The following HIVEP1 variants were observed in gnomAD, a reference collection of about 807,000 sequenced individuals.
HIVEP1 encodes the protein HIVEP zinc finger 1, also known as zinc finger protein 40.
In HIVEP1, 36 loss-of-function variants were observed where a neutral mutation model predicts 180.0. That is an observed-to-expected ratio of 0.20 (90% confidence interval 0.15 to 0.26). The LOEUF is 0.26. HIVEP1 is among the 10% of genes least tolerant of loss of function. The pLI is 1.00. For synonymous variants in HIVEP1, 1,239 were observed against 1,239.0 expected (o/e 1.00, Z 0.00); for missense variants, 3,143 against 3,268.7 (o/e 0.96, Z 0.94).
At chr6:12,206,507 G>A in the HIVEP1 span, among the ~76,000 whole-genome samples, 139,465 of 152,156 alleles carry the variant, frequency 0.92, 63,979 homozygotes, top group East Asian at 1. Flanking sequence ...TGCCACATGA[G>A]GACTGGAGTT....
chr6:12,075,062 C>G (rs1772259434), intron 2 of HIVEP1, among the ~76,000 whole-genome samples: 1 of 152,220 alleles, frequency 6.6e-6, no homozygotes, highest in Admixed American at 6.5e-5. Context: ...ACAGTGAAAC[C>G]TGTGTCTTTC....
intron 2 of HIVEP1, among the ~76,000 whole-genome samples, chr6:12,059,364 T>G (rs891689838): frequency 4.6e-5 from 7 of 152,124 alleles, no homozygotes; most frequent in Non-Finnish European, 8.8e-5. Context: ...TATCCTACAT[T>G]TTTTGGGGGG....
chr6:12,136,547 T>A (rs954665122), intron 7 of HIVEP1, among the ~76,000 whole-genome samples: 3 of 152,204 alleles, frequency 2.0e-5, no homozygotes, highest in African/African-American at 7.2e-5. Flanking sequence ...CTGAGATTAT[T>A]CACGCACTCA....
chr6:12,173,142 A>T, the HIVEP1 span, among the ~76,000 whole-genome samples: 5 of 152,184 alleles, frequency 3.3e-5, no homozygotes, highest in Non-Finnish European at 7.4e-5. Flanking sequence ...GTTCTTCATC[A>T]TTATTCAGAA....
chr6:12,075,365 A>G (rs1199643314), intron 2 of HIVEP1, among the ~76,000 whole-genome samples: 2 of 152,198 alleles, frequency 1.3e-5, no homozygotes, highest in East Asian at 1.9e-4. Context: ...GGTGTGTGCA[A>G]ACCTGACTCC....
At chr6:12,204,068 C>A in the HIVEP1 span, among the ~76,000 whole-genome samples, 1 of 149,558 alleles carries the variant, frequency 6.7e-6, no homozygotes, top group Non-Finnish European at 1.5e-5. Flanking sequence ...CAGAGTGAAA[C>A]TCCATCTGAA....
upstream of HIVEP1, among the ~76,000 whole-genome samples, chr6:12,009,371 A>G (rs1223440061): frequency 6.6e-6 from 1 of 152,130 alleles, no homozygotes; most frequent in African/African-American, 2.4e-5. Flanking sequence ...CAGTGACACT[A>G]TCCTCCCTCG....
At chr6:12,201,355 T>C in the HIVEP1 span, among the ~76,000 whole-genome samples, 1 of 152,192 alleles carries the variant, frequency 6.6e-6, no homozygotes, top group African/African-American at 2.4e-5. Flanking sequence ...CACACAACTG[T>C]AGTCCCAGCT....
chr6:12,159,806 T>C (rs1235496293), intron 7 of HIVEP1, among the ~76,000 whole-genome samples: 1 of 152,228 alleles, frequency 6.6e-6, no homozygotes, highest in African/African-American at 2.4e-5. Context: ...CCTAAATGCA[T>C]GTTTCATCTT....
At chr6:12,083,054 T>C (rs1314828093) in intron 2 of HIVEP1, among the ~76,000 whole-genome samples, 1 of 152,074 alleles carries the variant, frequency 6.6e-6, no homozygotes, top group Non-Finnish European at 1.5e-5. Flanking sequence ...TTGGAGAAAA[T>C]ATAAATGGTA....
chr6:12,144,043 A>G (rs1409443919), intron 7 of HIVEP1, among the ~76,000 whole-genome samples: 1 of 152,212 alleles, frequency 6.6e-6, no homozygotes, highest in East Asian at 1.9e-4. Context: ...TAAAGTTCAT[A>G]TGGAACCAAA....
At position 12,164,038 on chromosome 6, in the gene HIVEP1, A is replaced by G. The variant is rs746717590; in HGVS notation, c.7734A>G (p.Ala2578=). The G allele has an allele frequency of 1.5e-5, 25 of 1,614,048 alleles. No individual in the cohort carries two copies. The highest frequency in any genetic ancestry group is 2.0e-5 in the Non-Finnish European group (24 of 1,180,054). Residue 2578 remains alanine, a synonymous_variant, in exon 9 of 9, where the codon GCA becomes GCG. Coordinates refer to ENST00000379388, the MANE Select transcript of HIVEP1 (RefSeq NM_002114.4). ...APEMPASQSK[A]CETQPKQTSV... ...AAATGCCAGCTTCCCAAAGCAAAGC[A>G]TGCGAGACACAACCCAAGCAGACTT...
chr6:12,211,399 C>CAA, the HIVEP1 span, among the ~76,000 whole-genome samples: 8 of 71,978 alleles, frequency 1.1e-4, no homozygotes, highest in Non-Finnish European at 1.7e-4. Context: ...GACTCTGTCT[C>CAA]AAAAAAAAAA....
chr6:12,063,531 G>A lies in HIVEP1; in HGVS notation c.41-25653G>A, dbSNP rs1395506629. Among the ~76,000 whole-genome samples the A allele has an allele frequency of 1.3e-5, 2 of 152,186 alleles. No homozygotes were observed. The highest frequency in any genetic ancestry group is 4.1e-4 in the South Asian group (2 of 4,822). On this transcript the variant is annotated intron_variant, in intron 2 of 8. Transcript: ENST00000379388. This position sits in a 1 kb window ranked among gnomAD's most constrained non-coding sequence, Gnocchi z 4.2. ...AGGTGTGGCTGCACGTGGAAGGTGG[G>A]TTGGAAGGCAGGGAAGGGCAGGAGC...
chr6:12,195,791 T>C, the HIVEP1 span, among the ~76,000 whole-genome samples: 1 of 152,250 alleles, frequency 6.6e-6, no homozygotes, highest in African/African-American at 2.4e-5. Flanking sequence ...GTTGATGCCA[T>C]AGATAACTGG....
chr6:12,189,973 G>T, the HIVEP1 span, among the ~76,000 whole-genome samples: 1 of 152,190 alleles, frequency 6.6e-6, no homozygotes, highest in South Asian at 2.1e-4. Context: ...GTATTGTTGT[G>T]TTGTGTTGTG....
intron 2 of HIVEP1, among the ~76,000 whole-genome samples, chr6:12,042,088 T>A (rs1217024811): frequency 6.7e-6 from 1 of 149,574 alleles, no homozygotes; most frequent in African/African-American, 2.5e-5. Flanking sequence ...TTTTTTTTTT[T>A]TTGAGACGGA....
At chr6:12,168,024 A>ATACATATACATATG (rs1760778758), downstream of HIVEP1, among the ~76,000 whole-genome samples, 1 of 45,974 alleles carries the variant, frequency 2.2e-5, no homozygotes, top group African/African-American at 9.3e-5. Context: ...ACATGTATAT[A>ATACATATACATATG]TGTATATATT....
Position 12,120,087 on chromosome 6 carries a change from A to C in HIVEP1, c.292A>C (p.Asn98His). 6.2e-7 allele frequency: 1 copy of C among 1,613,120 alleles called. No individual in the cohort carries two copies. Among genetic ancestry groups the C allele is most frequent in the South Asian group, 1.1e-5 (1 of 90,912 alleles). Residue 98 changes from asparagine (N) to histidine (H), a missense_variant, in exon 4 of 9, where the codon AAT becomes CAT. By Grantham distance (68) the Asn-to-His change is moderately conservative (BLOSUM62 1). Around this residue, in one of 12 missense-constraint regions of HIVEP1, gnomAD observed 114 missense variants for 134.5 expected, o/e 0.85. Transcript: ENST00000379388. ...HSASESHKKQ[N>H]YIPVKNGKQF... ...TGCTTCGGAGTCTCACAAGAAACAG[A>C]ATTATATTCCTGTAAAAAATGGGAA...
Sources: allele counts gnomAD v4.1 joint callset (sites outside exome capture counted in the v4.1 genomes callset), GRCh38; gene constraint gnomAD v4.1.1; regional missense constraint gnomAD v4.1.1; non-coding constraint Gnocchi (gnomAD v3.1); transcripts MANE v1.5; gene names NCBI Gene and HGNC (gene_info 2026-07-23, HGNC 2026-07-21).